Variants in PNPLA6 observed in about 807,000 individuals in gnomAD.
PNPLA6 encodes patatin-like phospholipase domain-containing protein 6.
In PNPLA6, 105 loss-of-function variants were observed where a neutral mutation model predicts 153.7. The observed-to-expected ratio is 0.68, with a 90% CI of 0.58 to 0.80. PNPLA6 has a LOEUF of 0.80. Among genes scored for constraint, PNPLA6 ranks in the 30% least tolerant of loss-of-function variants. The pLI is 0.00. For synonymous variants in PNPLA6, 825 were observed against 822.2 expected, an observed-to-expected ratio of 1.00 and a Z score of -0.06; for missense variants, 1,423 against 1,919.3, an observed-to-expected ratio of 0.74 and a Z score of 4.83.
At chr19:7,553,778 T>C (rs568991913) in intron 18 of PNPLA6, 97 bp from the exon 19 acceptor site, 2 of 1,528,168 alleles carry the variant, frequency 1.3e-6, no homozygotes, top group South Asian at 2.3e-5. Flanking sequence ...GGAGCAAGAA[T>C]TTCAGATAAG....
At chr19:7,554,446 G>A (rs1219782737) in intron 20 of PNPLA6, 109 bp from the exon 21 acceptor site, 1 of 1,364,520 alleles carries the variant, frequency 7.3e-7, no homozygotes, top group African/African-American at 1.4e-5. Context: ...GACTTCCGTG[G>A]TGGGGGTTTG....
chr19:7,552,779 AAAAAAG>A (rs1207914313), intron 18 of PNPLA6, among the ~76,000 whole-genome samples: 2 of 151,718 alleles, frequency 1.3e-5, no homozygotes, highest in African/African-American at 4.8e-5. Flanking sequence ...GAAAGAAAAA[AAAAAAG>A]AAAAGAAAAG....
At position 7,541,006 on chromosome 19, in the gene PNPLA6, C is replaced by A; in HGVS notation, c.879C>A (p.Ser293=). Residue 293 remains serine, a synonymous_variant, in exon 7 of 32, where the codon TCC becomes TCA. Coordinates refer to ENST00000600737, the MANE Select transcript of PNPLA6 (RefSeq NM_001166114.2). This position sits in a 1 kb window ranked among gnomAD's most constrained non-coding sequence, Gnocchi z 5.2. ...TVLRLPVEAF[S]AVFTKYPESL... ...TGCGCCTGCCGGTGGAAGCATTCTCCGCGGTCTTCACCAAGTACCCGGAGA... is the reference window on the plus strand; with the variant it reads ...TGCGCCTGCCGGTGGAAGCATTCTCAGCGGTCTTCACCAAGTACCCGGAGA... The A allele has an allele frequency of 6.2e-7, 1 of 1,611,238 alleles. No individual in the cohort carries two copies. Among genetic ancestry groups the A allele is most frequent in the South Asian group, 1.1e-5 (1 of 90,722 alleles).
At chr19:7,536,168 C>T in intron 1 of PNPLA6, 23 bp from the exon 2 acceptor site, 1 of 1,552,384 alleles carries the variant, frequency 6.4e-7, no homozygotes, top group Non-Finnish European at 8.9e-7. Context: ...GCTCGGAGTG[C>T]CCCTGTCCCC....
At chr19:7,542,182 TC>T in intron 10 of PNPLA6, 115 bp downstream of exon 10, 1 of 778,580 alleles carries the variant, frequency 1.3e-6, no homozygotes, top group Non-Finnish European at 2.2e-6. Flanking sequence ...TGCCAGTACT[TC>T]CCCAGGCACT....
intron 20 of PNPLA6, 22 bp downstream of exon 20, chr19:7,554,294 G>A: frequency 6.2e-7 from 1 of 1,607,328 alleles, no homozygotes; most frequent in Non-Finnish European, 8.5e-7. Flanking sequence ...AGAAGGGAGT[G>A]GGGAGGGTGG....
Position 7,541,753 on chromosome 19 carries a change from T to C in PNPLA6, c.1168+69T>C, listed in dbSNP as rs373562402. The C allele has an allele frequency of 2.0e-6, 3 of 1,500,866 alleles. No individual in the cohort carries two copies. Among genetic ancestry groups the C allele is most frequent in the South Asian group, 2.4e-5 (2 of 83,740 alleles). 93.0% of individuals were successfully genotyped at this position (1,500,866 alleles called of 1,614,324 possible). On this transcript the variant is annotated intron_variant, in intron 9 of 31. Transcript: ENST00000600737. The surrounding 1 kb of genome is among the most constrained non-coding windows in gnomAD (Gnocchi z 5.2). ...GCCCCGTCTCAGCCGCCAGCCCCTT[T>C]TTCAGTTCTGCATAGAGTCAACCTG...
At chr19:7,557,344 A>G (rs745726586) in intron 27 of PNPLA6, 60 bp downstream of exon 27, 16 of 1,023,762 alleles carry the variant, frequency 1.6e-5, no homozygotes, top group Admixed American at 8.8e-5. Flanking sequence ...ACACACGCAC[A>G]CGCGTGGGCA....
At chr19:7,549,581 C>G (rs2023553733) in intron 13 of PNPLA6, 1 of 397,404 alleles carries the variant, frequency 2.5e-6, no homozygotes, top group South Asian at 2.2e-5. Flanking sequence ...CTCAGCCTTC[C>G]AGGTTCAGGC....
At position 7,535,758 on chromosome 19, in the gene PNPLA6, G is replaced by A. The variant is rs757656996; in HGVS notation, c.-31G>A. 6.6e-7 allele frequency: 1 copy of A among 1,517,872 alleles called. No individual in the cohort carries two copies. The highest frequency in any genetic ancestry group is 2.0e-5 in the Admixed American group (1 of 50,462). 94.0% of individuals were successfully genotyped at this position (1,517,872 alleles called of 1,614,324 possible). A position where few individuals can be genotyped will look rare whatever the true frequency, so the allele number is the denominator to read the frequency against. ...GGCCTCAGGGAAGAGTCGCGCCCCC[G>A]GGGAGGGAGCAGCACTGGCCCATTC... On this transcript the variant is annotated 5_prime_UTR_variant, in exon 1 of 32. Coordinates refer to ENST00000600737, the MANE Select transcript of PNPLA6 (RefSeq NM_001166114.2). The surrounding 1 kb of genome is among the most constrained non-coding windows in gnomAD (Gnocchi z 5.0).
Position 7,556,571 on chromosome 19 carries a change from T to G in PNPLA6, c.3210+2T>G. 6.2e-7 allele frequency: 1 copy of G among 1,604,094 alleles called. No homozygotes were observed. The stretch of plus-strand genomic sequence containing the variant: ...GTCTTCCAGGATAAGCAGATTGAGG[T>G]AGGCCCACCTCATCCCCTGCCCTGC... On this transcript the variant is annotated splice_donor_variant, in intron 25 of 31. Coordinates refer to ENST00000600737, the MANE Select transcript of PNPLA6 (RefSeq NM_001166114.2). LOFTEE classifies it high-confidence loss of function.
intron 19 of PNPLA6, 36 bp downstream of exon 19, chr19:7,554,051 G>C (rs1470107431): frequency 6.3e-7 from 1 of 1,594,672 alleles, no homozygotes; most frequent in African/African-American, 1.3e-5. Context: ...GGGGCTGGCG[G>C]TGGGTGGGAC....
intron 24 of PNPLA6, among the ~76,000 whole-genome samples, chr19:7,556,116 G>A (rs920328251): frequency 3.0e-5 from 4 of 133,358 alleles, no homozygotes; most frequent in Non-Finnish European, 4.6e-5. Flanking sequence ...AGGCTGGAGT[G>A]CAGTGGCACA....
Position 7,550,320 on chromosome 19 carries a change from G to A in PNPLA6, c.1837G>A (p.Val613Met), listed in dbSNP as rs2023588036. 1 of 1,612,660 alleles carries A rather than the reference G, an allele frequency of 6.2e-7. No individual in the cohort carries two copies. The highest frequency in any genetic ancestry group is 1.3e-5 in the African/African-American group (1 of 74,954). Residue 613 changes from valine (V) to methionine (M), a missense_variant, in exon 15 of 32, where the codon GTG (valine) becomes ATG (methionine). Val to Met is a conservative substitution (Grantham distance 21, BLOSUM62 1). Coordinates refer to ENST00000600737, the MANE Select transcript of PNPLA6 (RefSeq NM_001166114.2). ...CAGGATCATGCGCGCACAGCCCAGT[G>A]TGGTGCTGAGTGCGGCGCACACGGT... Reference protein sequence around the residue: ...FYEIMRAQPSVVLSAAHTVAA... With the variant: ...FYEIMRAQPSMVLSAAHTVAA...
chr19:7,560,731 G>T lies in PNPLA6; in HGVS notation c.3783G>T (p.Arg1261=). ...NVIEKMLTDR[R]STDLNESRRA... ...TTGAGAAAATGCTCACAGACCGGCG[G>T]TCTACAGACCTTAATGAGAGCCGCC... Residue 1261 remains arginine, a synonymous_variant, in exon 29 of 32, where the codon CGG becomes CGT. Coordinates refer to ENST00000600737, the MANE Select transcript of PNPLA6 (RefSeq NM_001166114.2). 6.2e-7 allele frequency: 1 copy of T among 1,613,326 alleles called. No individual in the cohort carries two copies. Among genetic ancestry groups the T allele is most frequent in the Non-Finnish European group, 8.5e-7 (1 of 1,179,310 alleles).
chr19:7,549,098 C>T (rs1036244299), intron 13 of PNPLA6, among the ~76,000 whole-genome samples: 4 of 149,734 alleles, frequency 2.7e-5, no homozygotes, highest in Non-Finnish European at 4.4e-5. Context: ...CCATCGCGCC[C>T]GGCTAAAAAA....
At chr19:7,550,729 G>GCTGCATTCACCACTCCC in intron 16 of PNPLA6, 89 bp downstream of exon 16, 1 of 1,514,770 alleles carries the variant, frequency 6.6e-7, no homozygotes, top group Non-Finnish European at 9.0e-7. Flanking sequence ...AATCCAGGGA[G>GCTGCATTCACCACTCCC]TGGTGAATGC....
At position 7,540,922 on chromosome 19, in the gene PNPLA6, G is replaced by T; in HGVS notation, c.796-1G>T. On this transcript the variant is annotated splice_acceptor_variant, in intron 6 of 31. Transcript: ENST00000600737. LOFTEE classifies it high-confidence loss of function. This position sits in a 1 kb window ranked among gnomAD's most constrained non-coding sequence, Gnocchi z 6.8. Reference sequence around the variant, plus strand: ...TCTCTTCACGCCCTCCCCTCCCCCAGGGTCACCAGCATCCCCAGCGGACCG... The same window carrying T: ...TCTCTTCACGCCCTCCCCTCCCCCATGGTCACCAGCATCCCCAGCGGACCG... 6.2e-7 allele frequency: 1 copy of T among 1,613,002 alleles called. No homozygotes were observed. The highest frequency in any genetic ancestry group is 8.5e-7 in the Non-Finnish European group (1 of 1,179,928).
intron 13 of PNPLA6, among the ~76,000 whole-genome samples, chr19:7,546,301 A>C (rs1322240648): frequency 1.3e-5 from 2 of 152,158 alleles, no homozygotes; most frequent in Admixed American, 1.3e-4. Flanking sequence ...TTATTGAGCT[A>C]TAATTCATGT....
Sources: allele counts gnomAD v4.1 joint callset (sites outside exome capture counted in the v4.1 genomes callset), GRCh38; gene constraint gnomAD v4.1.1; non-coding constraint Gnocchi (gnomAD v3.1); transcripts MANE v1.5; gene names NCBI Gene and HGNC (gene_info 2026-07-23, HGNC 2026-07-21).